NR3C2: variants seen among roughly 807,000 people sequenced by gnomAD.
The protein encoded by NR3C2 is mineralocorticoid receptor.
NR3C2 carries 15 observed loss-of-function variants against 86.4 expected under a neutral mutation model. The ratio of observed to expected loss-of-function variants is 0.17; its 90% CI spans 0.12 to 0.27. The LOEUF is 0.27. NR3C2 is among the 10% of genes least tolerant of loss of function. NR3C2 has a pLI of 1.00. For synonymous variants in NR3C2, 458 were observed against 450.5 expected (o/e 1.02, Z -0.21); for missense variants, 960 against 1,195.6 (o/e 0.80, Z 2.91).
intron 8 of NR3C2, among the ~76,000 whole-genome samples, chr4:148,107,976 C>G (rs1193134002): frequency 6.6e-6 from 1 of 152,082 alleles, no homozygotes; most frequent in African/African-American, 2.4e-5. Flanking sequence ...AACAAACCAG[C>G]ACATTCTGCA....
chr4:148,378,473 A>C (rs533388612), intron 2 of NR3C2, among the ~76,000 whole-genome samples: 1 of 151,792 alleles, frequency 6.6e-6, no homozygotes, highest in South Asian at 2.1e-4. Context: ...CCAGTGTTGG[A>C]GGTGGGGCCT....
chr4:148,291,453 T>C (rs1204769756), intron 2 of NR3C2, among the ~76,000 whole-genome samples: 2 of 152,104 alleles, frequency 1.3e-5, no homozygotes, highest in African/African-American at 4.8e-5. Context: ...ATTGTTTTTA[T>C]TGATATTAAT....
chr4:148,151,486 C>T (rs904068900), intron 6 of NR3C2, among the ~76,000 whole-genome samples: 7 of 152,114 alleles, frequency 4.6e-5, no homozygotes, highest in Non-Finnish European at 8.8e-5. Context: ...CAGGCCACCT[C>T]GAGAACCAAC....
intron 7 of NR3C2, among the ~76,000 whole-genome samples, chr4:148,117,013 G>A (rs1422121143): frequency 6.6e-6 from 1 of 152,172 alleles, no homozygotes; most frequent in Admixed American, 6.5e-5. Context: ...CATTTTCAGT[G>A]AATTTAAAGA....
rs577479757 is a variant in NR3C2 at position 148,240,604 on chromosome 4, G to A, written c.1897+19374C>T. Among the ~76,000 whole-genome samples, 5 of 152,228 alleles carry A rather than the reference G, an allele frequency of 3.3e-5. No individual in the cohort carries two copies. In the South Asian group the frequency reaches 8.3e-4, roughly 25 times the overall value. Reference sequence around the variant, plus strand: ...GTATGAAATATACAGCGACAGGGGCGGGGTCAAGGGTGAGGTCAGGTGGCA... The same window carrying A: ...GTATGAAATATACAGCGACAGGGGCAGGGTCAAGGGTGAGGTCAGGTGGCA... On this transcript the variant is annotated intron_variant, in intron 3 of 8. Transcript: ENST00000358102.
chr4:148,204,537 C>T (rs1171452953), intron 3 of NR3C2, among the ~76,000 whole-genome samples: 5 of 152,058 alleles, frequency 3.3e-5, no homozygotes, highest in African/African-American at 7.2e-5. Context: ...AAGACAAATT[C>T]GGAGTGGTAA....
intron 2 of NR3C2, among the ~76,000 whole-genome samples, chr4:148,342,232 T>C (rs4835514): frequency 0.7 from 105,677 of 151,916 alleles, 37,230 homozygotes; most frequent in Non-Finnish European, 0.76. Context: ...ACGTGGCTTT[T>C]CTACACGGCA....
intron 2 of NR3C2, among the ~76,000 whole-genome samples, chr4:148,353,212 TAAG>T (rs1745383863): frequency 6.6e-6 from 1 of 152,114 alleles, no homozygotes; most frequent in South Asian, 2.1e-4. Context: ...CTAAAAAATG[TAAG>T]AAGGCTTATA....
intron 2 of NR3C2, among the ~76,000 whole-genome samples, chr4:148,300,134 C>A (rs544999018): frequency 9.2e-5 from 14 of 152,204 alleles, no homozygotes; most frequent in Admixed American, 2.0e-4. Context: ...TTGCTGCAGG[C>A]CTCCATCTTG....
chr4:148,218,395 A>G (rs1737655855), intron 3 of NR3C2, among the ~76,000 whole-genome samples: 1 of 152,242 alleles, frequency 6.6e-6, no homozygotes, highest in African/African-American at 2.4e-5. Context: ...TACTGTCTCT[A>G]TAGCCAAAAG....
chr4:148,173,571 T>G (rs1014339913), intron 4 of NR3C2, among the ~76,000 whole-genome samples: 2 of 152,254 alleles, frequency 1.3e-5, no homozygotes, highest in African/African-American at 4.8e-5. Flanking sequence ...CACAGTCTGT[T>G]GACACATTGA....
At chr4:148,389,707 ATCTTATATC>A (rs1469194543) in intron 2 of NR3C2, among the ~76,000 whole-genome samples, 5 of 152,108 alleles carry the variant, frequency 3.3e-5, no homozygotes, top group African/African-American at 9.7e-5. Flanking sequence ...ATAAAAATAT[ATCTTATATC>A]TTCTATACAT....
At chr4:148,399,588 A>G (rs183517980) in intron 2 of NR3C2, among the ~76,000 whole-genome samples, 21 of 151,620 alleles carry the variant, frequency 1.4e-4, no homozygotes, top group Admixed American at 1.1e-3. Context: ...TTTGGAAAAT[A>G]AAAATTTTCA....
chr4:148,276,453 T>G (rs191717241), intron 2 of NR3C2, among the ~76,000 whole-genome samples: 347 of 152,224 alleles, frequency 2.3e-3, no homozygotes, highest in Admixed American at 4.7e-3. Flanking sequence ...TCCTTACTAC[T>G]CAAAAGAGTT....
intron 1 of NR3C2, among the ~76,000 whole-genome samples, chr4:148,437,423 AATT>A (rs1200363083): frequency 6.6e-6 from 1 of 152,232 alleles, no homozygotes; most frequent in African/African-American, 2.4e-5. Flanking sequence ...ATACCAAGTG[AATT>A]ATCATAGGAA....
chr4:148,186,459 T>A (rs1735895362), intron 4 of NR3C2, among the ~76,000 whole-genome samples: 1 of 152,180 alleles, frequency 6.6e-6, no homozygotes, highest in South Asian at 2.1e-4. Context: ...TTTTCTCAAC[T>A]TTTTGCTTTT....
At chr4:148,192,696 G>T (rs1428488753) in intron 4 of NR3C2, among the ~76,000 whole-genome samples, 1 of 152,042 alleles carries the variant, frequency 6.6e-6, no homozygotes, top group Non-Finnish European at 1.5e-5. Context: ...CAGTTCACTG[G>T]AGTTGTGTAC....
At chr4:148,412,821 G>A (rs113615570) in intron 2 of NR3C2, among the ~76,000 whole-genome samples, 7 of 116,076 alleles carry the variant, frequency 6.0e-5, no homozygotes, top group South Asian at 6.8e-4. Context: ...GCACATGTGC[G>A]CACACACACA....
intron 2 of NR3C2, among the ~76,000 whole-genome samples, chr4:148,365,053 G>C (rs1327000406): frequency 6.6e-6 from 1 of 152,198 alleles, no homozygotes; most frequent in Admixed American, 6.5e-5. Context: ...ATCTGTGGTT[G>C]TTTGAAATCA....
Sources: allele counts gnomAD v4.1 joint callset (sites outside exome capture counted in the v4.1 genomes callset), GRCh38; gene constraint gnomAD v4.1.1; transcripts MANE v1.5; gene names NCBI Gene and HGNC (gene_info 2026-07-23, HGNC 2026-07-21).